The following STON2 variants were observed in gnomAD, a reference collection of about 807,000 sequenced individuals.
STON2 encodes the protein stonin-2.
STON2 carries 29 observed loss-of-function variants against 65.7 expected under a neutral mutation model. The ratio of observed to expected loss-of-function variants is 0.44; its 90% CI spans 0.33 to 0.60. The LOEUF (loss-of-function observed/expected upper bound fraction) is 0.60, where lower values mean the gene tolerates loss of function less well. Ranked by LOEUF, STON2 falls within the 20% of genes least tolerant of loss-of-function variation. The pLI is 0.03. For missense variants in STON2, 1,054 were observed against 1,118.1 expected (o/e 0.94, Z 0.82); for synonymous variants, 404 against 414.2 (o/e 0.98, Z 0.30).
At chr14:81,310,884 C>T (rs1896397401) in intron 5 of STON2, among the ~76,000 whole-genome samples, 1 of 152,080 alleles carries the variant, frequency 6.6e-6, no homozygotes. Context: ...TAGGTGTTTT[C>T]CTCTAAATGC....
intron 2 of STON2, chr14:81,413,379 G>A: frequency 1.6e-6 from 1 of 621,146 alleles, no homozygotes; most frequent in Non-Finnish European, 2.5e-6. Context: ...TTTATACAGG[G>A]CATTCTCTGT....
intron 4 of STON2, among the ~76,000 whole-genome samples, chr14:81,353,418 C>A (rs894089065): frequency 6.6e-6 from 1 of 152,072 alleles, no homozygotes; most frequent in Non-Finnish European, 1.5e-5. Flanking sequence ...CTTCACCACC[C>A]CCAACAAAGA....
chr14:81,354,439 C>G (rs562694000), intron 4 of STON2, among the ~76,000 whole-genome samples: 1 of 152,040 alleles, frequency 6.6e-6, no homozygotes, highest in Non-Finnish European at 1.5e-5. Context: ...ACGCAGATAT[C>G]GATGCAAGAA....
chr14:81,280,765 C>T (rs1419225811), intron 5 of STON2, among the ~76,000 whole-genome samples: 1 of 152,152 alleles, frequency 6.6e-6, no homozygotes, highest in East Asian at 1.9e-4. Context: ...AATCGCAGCA[C>T]TTTGGGAGGC....
At chr14:81,333,631 T>C (rs1001264667) in intron 4 of STON2, among the ~76,000 whole-genome samples, 11 of 152,192 alleles carry the variant, frequency 7.2e-5, no homozygotes, top group Non-Finnish European at 1.3e-4. Flanking sequence ...GAACTTCCTC[T>C]CTAGACAGCA....
chr14:81,324,573 G>A (rs1247871136), intron 4 of STON2, among the ~76,000 whole-genome samples: 1 of 152,230 alleles, frequency 6.6e-6, no homozygotes, highest in Non-Finnish European at 1.5e-5. Flanking sequence ...GGGTCTGGAA[G>A]AGCCTGGAGC....
At position 81,345,085 on chromosome 14, in the gene STON2, T is replaced by C. The variant is rs1897760420; in HGVS notation, c.572-20898A>G. On this transcript the variant is annotated intron_variant, in intron 4 of 7. Transcript: ENST00000614646. Reference sequence around the variant, plus strand: ...GGATCCAAAACCCAGCTCCTATAGCTTGTGACAATGCATATAATGGGTCCA... The same window carrying C: ...GGATCCAAAACCCAGCTCCTATAGCCTGTGACAATGCATATAATGGGTCCA... Among the ~76,000 whole-genome samples, 3 of 152,210 alleles carry C rather than the reference T, an allele frequency of 2.0e-5. No homozygotes were observed. The South Asian group carries it at 6.2e-4, about 32-fold the overall frequency.
In STON2 at chr14:81,278,622, G is replaced by T. The variant is rs1451866012; in HGVS notation, c.860C>A (p.Pro287His). 1 of 1,587,670 alleles carries T rather than the reference G, an allele frequency of 6.3e-7. No homozygotes were observed. The highest frequency in any genetic ancestry group is 8.6e-7 in the Non-Finnish European group (1 of 1,165,354). ...ATTGTCATCAAAGGTGACCCAGCTG[G>T]GAAAACGAGCAGAGGTCACTGGAGG... Reference protein sequence around the residue: ...PAPPVTSARFPSWVTFDDNEV... With the variant: ...PAPPVTSARFHSWVTFDDNEV... The change falls in exon 6 of 8, where the codon CCC becomes CAC. Residue 287 changes from proline (P) to histidine (H), a missense_variant. Transcript: ENST00000614646.
upstream of STON2, among the ~76,000 whole-genome samples, chr14:81,405,089 G>C (rs778137252): frequency 3.3e-5 from 5 of 152,044 alleles, no homozygotes; most frequent in Non-Finnish European, 7.4e-5. Flanking sequence ...CATTTTACTC[G>C]AAGTTAGTGG....
rs1894424891 is a variant in STON2 at position 81,268,061 on chromosome 14, G to A, written c.*353C>T. On this transcript the variant is annotated 3_prime_UTR_variant, in exon 8 of 8. Transcript: ENST00000614646. ...AAGGCAATCGTGCTAACACTGATGT[G>A]GGAGGTTCTTTTCCTGACTGTAACA... 1.0e-6 allele frequency: 1 copy of A among 995,130 alleles called. No individual in the cohort carries two copies. The highest frequency in any genetic ancestry group is 1.2e-6 in the Non-Finnish European group (1 of 836,064). 61.6% of individuals were successfully genotyped at this position (995,130 alleles called of 1,614,324 possible).
chr14:81,322,599 C>T (rs1264381003), intron 5 of STON2, among the ~76,000 whole-genome samples: 2 of 152,134 alleles, frequency 1.3e-5, no homozygotes, highest in Non-Finnish European at 2.9e-5. Flanking sequence ...CTGGGCATGA[C>T]AATGATGACG....
rs183655811 is a variant in STON2, at chr14:81,370,132, T to C, written c.571+856A>G. Among the ~76,000 whole-genome samples the C allele has an allele frequency of 2.1e-3, 313 of 152,298 alleles. 2 individuals are homozygous for C. Among genetic ancestry groups the C allele is most frequent in the African/African-American group, 7.3e-3 (305 of 41,562 alleles). Reference sequence around the variant, plus strand: ...TATACTTGTAGAATTGAATGGCACATAGCATGAGGGCAAACATCCGAAGCT... The same window carrying C: ...TATACTTGTAGAATTGAATGGCACACAGCATGAGGGCAAACATCCGAAGCT... On this transcript the variant is annotated intron_variant, in intron 4 of 7. Coordinates refer to ENST00000614646, the MANE Select transcript of STON2 (RefSeq NM_001394390.1).
In STON2 at chr14:81,410,278, CAAAAAAAAAAAAAA is replaced by C. The variant is rs1161157573; in HGVS notation, c.-198-11712_-198-11699del. On this transcript the variant is annotated intron_variant, in intron 2 of 8. Transcript: ENST00000553821. ...GCATGCAGATGAATGTAACTCTAAC[CAAAAAAAAAAAAAA>C]AAAAAAAAAAAAAAACAGAAGAGAT... Among the ~76,000 whole-genome samples the C allele has an allele frequency of 9.4e-3, 430 of 45,802 alleles. 9 individuals are homozygous for C. Among genetic ancestry groups the C allele is most frequent in the Non-Finnish European group, 8.6e-3 (177 of 20,610 alleles). The allele number at this position is 45,802 out of a possible 152,430, so 30.0% of individuals were successfully genotyped here. A position where few individuals can be genotyped will look rare whatever the true frequency, so the allele number is the denominator to read the frequency against.
chr14:81,286,550 G>T (rs1276256666), intron 5 of STON2, among the ~76,000 whole-genome samples: 2 of 152,184 alleles, frequency 1.3e-5, no homozygotes, highest in East Asian at 3.8e-4. Flanking sequence ...ACAACTAATA[G>T]ACTATAGTAT....
intron 4 of STON2, among the ~76,000 whole-genome samples, chr14:81,340,091 C>A (rs375067980): frequency 1.1e-4 from 17 of 152,306 alleles, no homozygotes; most frequent in Admixed American, 2.0e-4. Flanking sequence ...GGGATGGAGC[C>A]TGCAGTAAGC....
intron 3 of STON2, among the ~76,000 whole-genome samples, chr14:81,374,208 T>C (rs543579452): frequency 6.7e-6 from 1 of 149,392 alleles, no homozygotes. Flanking sequence ...TAGAGATGGG[T>C]TTCACCATGT....
intron 6 of STON2, among the ~76,000 whole-genome samples, chr14:81,271,671 G>A (rs191573871): frequency 2.6e-5 from 4 of 152,298 alleles, no homozygotes; most frequent in Admixed American, 2.6e-4. Flanking sequence ...ACTCGTGATG[G>A]CAAACTTTGG....
chr14:81,278,134 G>C lies in STON2; in HGVS notation c.1348C>G (p.Pro450Ala). 6.2e-7 allele frequency: 1 copy of C among 1,614,128 alleles called. No homozygotes were observed. The highest frequency in any genetic ancestry group is 1.3e-5 in the African/African-American group (1 of 75,010). The change falls in exon 6 of 8, where the codon CCT becomes GCT. Residue 450 changes from proline (P) to alanine (A), a missense_variant. Coordinates refer to ENST00000614646, the MANE Select transcript of STON2 (RefSeq NM_001394390.1). ...AGAGTTGCACTGCCAAAGTGATCAG[G>C]GTCATCAATTTGGAGTTGTTTGAGT... ...EKLKQLQIDD[P>A]DHFGSATLPD...
rs1348212135 is a variant in STON2 at position 81,412,856 on chromosome 14, T to TTTC, written c.-199+14243_-199+14245dup. 68 of 516,780 alleles carry TTTC rather than the reference T, an allele frequency of 1.3e-4. 5 individuals carry two copies. The highest frequency in any genetic ancestry group is 2.9e-4 in the Admixed American group (8 of 27,134). 32.0% of individuals were successfully genotyped at this position (516,780 alleles called of 1,614,324 possible). A position where few individuals can be genotyped will look rare whatever the true frequency, so the allele number is the denominator to read the frequency against. On this transcript the variant is annotated intron_variant, in intron 2 of 8. Transcript: ENST00000553821. ...AAACTTTCTGTCAAACATTAAAAGC[T>TTTC]TTCTTCTTAGAGGCGCCACGGCTTC...
Sources: allele counts gnomAD v4.1 joint callset (sites outside exome capture counted in the v4.1 genomes callset), GRCh38; gene constraint gnomAD v4.1.1; transcripts MANE v1.5; gene names NCBI Gene and HGNC (gene_info 2026-07-23, HGNC 2026-07-21).